The following C8orf34 variants were observed in gnomAD, a reference collection of about 807,000 sequenced individuals.
C8orf34 encodes chromosome 8 open reading frame 34.
A neutral mutation model predicts 68.3 loss-of-function variants in C8orf34; 65 were observed. The observed-to-expected ratio is 0.95, with a 90% confidence interval of 0.78 to 1.17. The LOEUF (loss-of-function observed/expected upper bound fraction) is 1.17, where lower values mean the gene tolerates loss of function less well. Ranked by LOEUF, C8orf34 falls within the 50% of genes most tolerant of loss-of-function variation. The pLI is 0.00. For missense variants in C8orf34, 664 were observed against 655.4 expected, an observed-to-expected ratio of 1.01 and a Z score of -0.14; for synonymous variants, 244 against 241.2, an observed-to-expected ratio of 1.01 and a Z score of -0.11.
At chr8:68,519,925 C>T (rs979919051) in intron 5 of C8orf34, among the ~76,000 whole-genome samples, 9 of 152,132 alleles carry the variant, frequency 5.9e-5, no homozygotes, top group Admixed American at 5.9e-4. Context: ...AATTCAAAAA[C>T]ATGTCTTCAC....
At chr8:68,618,016 T>A (rs1818277922) in intron 7 of C8orf34, among the ~76,000 whole-genome samples, 1 of 152,160 alleles carries the variant, frequency 6.6e-6, no homozygotes, top group Non-Finnish European at 1.5e-5. Flanking sequence ...TGCCTTTTTC[T>A]ATTGTGTTTT....
intron 7 of C8orf34, among the ~76,000 whole-genome samples, chr8:68,626,857 T>C (rs1818550755): frequency 6.6e-6 from 1 of 152,134 alleles, no homozygotes; most frequent in Non-Finnish European, 1.5e-5. Flanking sequence ...AATATAGTGG[T>C]ACCTAAAAGG....
chr8:68,763,042 A>G (rs968644381), intron 10 of C8orf34, among the ~76,000 whole-genome samples: 3 of 152,208 alleles, frequency 2.0e-5, no homozygotes, highest in African/African-American at 7.2e-5. Flanking sequence ...TGATTGGTCT[A>G]TAAAGTCTGT....
chr8:68,780,053 T>G (rs184340351), intron 11 of C8orf34, among the ~76,000 whole-genome samples: 58 of 152,310 alleles, frequency 3.8e-4, no homozygotes, highest in African/African-American at 1.3e-3. Flanking sequence ...ACTTACATAG[T>G]CATAAAGGAA....
rs1259932370 is a variant in C8orf34 at position 68,818,664 on chromosome 8, T to C, written c.*418T>C. 1 of 157,052 alleles carries C rather than the reference T, an allele frequency of 6.4e-6. No homozygotes were observed. Among genetic ancestry groups the C allele is most frequent in the Admixed American group, 6.3e-5 (1 of 15,824 alleles). The allele number at this position is 157,052 out of a possible 1,614,324, so 9.7% of individuals were successfully genotyped here. On this transcript the variant is annotated 3_prime_UTR_variant, in exon 14 of 14. Coordinates refer to ENST00000518698, the MANE Select transcript of C8orf34 (RefSeq NM_052958.4). Reference sequence around the variant, plus strand: ...TTTAGATTACTAAACATTCTACTTATCCACATGTGCCAAGATGTGCCATTT... The same window carrying C: ...TTTAGATTACTAAACATTCTACTTACCCACATGTGCCAAGATGTGCCATTT...
chr8:68,680,044 A>G (rs1277081167), intron 8 of C8orf34, among the ~76,000 whole-genome samples: 2 of 152,334 alleles, frequency 1.3e-5, no homozygotes, highest in East Asian at 3.9e-4. Context: ...CTCTACAAGC[A>G]CAAGCTACCA....
chr8:68,657,852 G>C (rs1819554168), intron 8 of C8orf34, among the ~76,000 whole-genome samples: 1 of 152,120 alleles, frequency 6.6e-6, no homozygotes, highest in South Asian at 2.1e-4. Flanking sequence ...CAAGGTTAAG[G>C]GCAGGAAAAA....
chr8:68,677,131 A>G (rs1820216637), intron 8 of C8orf34, among the ~76,000 whole-genome samples: 1 of 152,234 alleles, frequency 6.6e-6, no homozygotes, highest in Non-Finnish European at 1.5e-5. Flanking sequence ...CGAATTTTGG[A>G]ACCTATACAA....
At chr8:68,354,107 G>C (rs1312142555) in intron 1 of C8orf34, among the ~76,000 whole-genome samples, 1 of 151,746 alleles carries the variant, frequency 6.6e-6, no homozygotes, top group Non-Finnish European at 1.5e-5. Flanking sequence ...GTAGTCAGAG[G>C]GTGACTTTAA....
At chr8:68,694,455 A>G (rs769422082) in intron 8 of C8orf34, among the ~76,000 whole-genome samples, 1 of 152,120 alleles carries the variant, frequency 6.6e-6, no homozygotes, top group East Asian at 1.9e-4. Context: ...ATAAATATCC[A>G]GAATATAAAT....
chr8:68,360,390 T>A (rs1806932849), intron 1 of C8orf34, among the ~76,000 whole-genome samples: 1 of 152,354 alleles, frequency 6.6e-6, no homozygotes, highest in East Asian at 1.9e-4. Flanking sequence ...GTGGCTATAC[T>A]TTTTAAACAG....
At chr8:68,794,506 T>TATAAATATATATATA (rs58048066) in intron 12 of C8orf34, among the ~76,000 whole-genome samples, 1 of 59,046 alleles carries the variant, frequency 1.7e-5, no homozygotes, top group African/African-American at 1.0e-4. Context: ...TATATATATA[T>TATAAATATATATATA]TTTTTTTTTT....
chr8:68,490,670 G>A (rs1378209028), intron 5 of C8orf34, among the ~76,000 whole-genome samples: 1 of 150,558 alleles, frequency 6.6e-6, no homozygotes, highest in African/African-American at 2.4e-5. Context: ...GCCAAAAGTT[G>A]TCATAAATAA....
chr8:68,357,005 A>T (rs528014930), intron 1 of C8orf34, among the ~76,000 whole-genome samples: 4 of 152,250 alleles, frequency 2.6e-5, no homozygotes, highest in Admixed American at 6.5e-5. Flanking sequence ...AGTGAATTTC[A>T]TAAGATTTAT....
chr8:68,503,851 T>A (rs990925853), intron 5 of C8orf34, among the ~76,000 whole-genome samples: 3 of 152,178 alleles, frequency 2.0e-5, no homozygotes, highest in African/African-American at 7.2e-5. Flanking sequence ...TTAGACCCAG[T>A]TAGATCTGGA....
intron 1 of C8orf34, among the ~76,000 whole-genome samples, chr8:68,431,461 G>A (rs1056511082): frequency 6.6e-6 from 1 of 152,088 alleles, no homozygotes; most frequent in Non-Finnish European, 1.5e-5. Flanking sequence ...CTCCTACAGA[G>A]GTATTTTCAA....
At chr8:68,794,503 ATATTT>A (rs1288284019) in intron 12 of C8orf34, among the ~76,000 whole-genome samples, 5 of 78,442 alleles carry the variant, frequency 6.4e-5, no homozygotes, top group African/African-American at 3.9e-4. Context: ...ATATATATAT[ATATTT>A]TTTTTTTTTT....
At chr8:68,815,431 A>G (rs1178371907) in intron 12 of C8orf34, among the ~76,000 whole-genome samples, 2 of 152,174 alleles carry the variant, frequency 1.3e-5, no homozygotes, top group Non-Finnish European at 2.9e-5. Flanking sequence ...TTTCTTGATA[A>G]TATGGTACTA....
At chr8:68,506,003 CA>C (rs1814004775) in intron 5 of C8orf34, among the ~76,000 whole-genome samples, 1 of 152,010 alleles carries the variant, frequency 6.6e-6, no homozygotes, top group South Asian at 2.1e-4. Context: ...TCAGTGAAAC[CA>C]ACCTCTATTG....
Sources: allele counts gnomAD v4.1 joint callset (sites outside exome capture counted in the v4.1 genomes callset), GRCh38; gene constraint gnomAD v4.1.1; transcripts MANE v1.5; gene names NCBI Gene and HGNC (gene_info 2026-07-23, HGNC 2026-07-21).